DDX31: variants seen among roughly 807,000 people sequenced by gnomAD.
DDX31 encodes the protein DEAD-box helicase 31.
In DDX31, 70 loss-of-function variants were observed where a neutral mutation model predicts 91.3. The observed-to-expected ratio is 0.77, with a 90% CI of 0.63 to 0.94. DDX31 has a LOEUF of 0.94. Among genes scored for constraint, DDX31 ranks in the 40% least tolerant of loss-of-function variants. DDX31 has a pLI of 0.00. For synonymous variants in DDX31, 362 were observed against 350.6 expected, an observed-to-expected ratio of 1.03 and a Z score of -0.36; for missense variants, 902 against 925.0, an observed-to-expected ratio of 0.98 and a Z score of 0.32.
At chr9:132,605,839 A>T (rs1286760614) in intron 19 of DDX31, among the ~76,000 whole-genome samples, 1 of 152,102 alleles carries the variant, frequency 6.6e-6, no homozygotes, top group Non-Finnish European at 1.5e-5. Flanking sequence ...GCTTGCTCTA[A>T]TCACAGCCTA....
chr9:132,613,998 G>A (rs542960504), intron 18 of DDX31, among the ~76,000 whole-genome samples: 20 of 152,332 alleles, frequency 1.3e-4, no homozygotes, highest in African/African-American at 3.8e-4. Flanking sequence ...GAGCCCAGCC[G>A]ATGGTGTCTG....
chr9:132,642,715 T>G (rs1833577255), intron 13 of DDX31, among the ~76,000 whole-genome samples: 1 of 152,126 alleles, frequency 6.6e-6, no homozygotes, highest in African/African-American at 2.4e-5. Flanking sequence ...GAACATCTCT[T>G]CATGCCAATA....
At position 132,633,897 on chromosome 9, in the gene DDX31, T is replaced by G. The variant is rs193005878; in HGVS notation, c.1441-1806A>C. Among the ~76,000 whole-genome samples, 11 of 152,308 alleles carry G rather than the reference T, an allele frequency of 7.2e-5. No homozygotes were observed. The East Asian group carries it at 1.5e-3, about 21-fold the overall frequency. ...AAACCTGAAACCTAGAACCTAAATC[T>G]AATCAAGTCTCTAGATCCAACTACT... On this transcript the variant is annotated intron_variant, in intron 14 of 19. Transcript: ENST00000372159.
chr9:132,636,435 T>C (rs1833119726), intron 14 of DDX31, among the ~76,000 whole-genome samples: 1 of 152,262 alleles, frequency 6.6e-6, no homozygotes, highest in Admixed American at 6.5e-5. Context: ...ACGGGCTGCT[T>C]GAGCTTCACA....
At chr9:132,629,630 T>A (rs1832605136) in intron 16 of DDX31, among the ~76,000 whole-genome samples, 1 of 152,228 alleles carries the variant, frequency 6.6e-6, no homozygotes, top group South Asian at 2.1e-4. Flanking sequence ...TTTGATGTTT[T>A]ACATAAAACA....
chr9:132,652,711 G>A (rs893319668), intron 6 of DDX31, among the ~76,000 whole-genome samples: 7 of 152,130 alleles, frequency 4.6e-5, no homozygotes, highest in African/African-American at 1.7e-4. Context: ...AGGAGGAAGG[G>A]CAGGGGGGCA....
In DDX31 at chr9:132,595,302, T is replaced by C. The variant is rs868016398; in HGVS notation, c.1995-190A>G. ...GAAGATTAGATACGGCGCTGACAGA[T>C]TTTCATAACAGCGGCAAAATATCAT... On this transcript the variant is annotated intron_variant, in intron 19 of 19. Coordinates refer to ENST00000372159, the MANE Select transcript of DDX31 (RefSeq NM_022779.9). The surrounding 1 kb of genome is among the most constrained non-coding windows in gnomAD (Gnocchi z 4.6). Among the ~76,000 whole-genome samples, 1 of 152,190 alleles carries C rather than the reference T, an allele frequency of 6.6e-6. No homozygotes were observed. Among genetic ancestry groups the C allele is most frequent in the African/African-American group, 2.4e-5 (1 of 41,442 alleles).
At chr9:132,627,261 G>A (rs1470443673) in intron 16 of DDX31, among the ~76,000 whole-genome samples, 1 of 152,222 alleles carries the variant, frequency 6.6e-6, no homozygotes, top group East Asian at 1.9e-4. Context: ...AAATGCGTGT[G>A]CTGATATTCC....
rs1217910746 is a variant in DDX31, at chr9:132,658,689, T to G, written c.570A>C (p.Ala190=). Residue 190 remains alanine, a synonymous_variant, in exon 6 of 20, where the codon GCA becomes GCC. Coordinates refer to ENST00000372159, the MANE Select transcript of DDX31 (RefSeq NM_022779.9). ...YCIPVVQSLQ[A]MESKIQRSDG... is the part of the protein sequence containing the mutation. Reference sequence around the variant, plus strand: ...TACACACCTGTATTTTTGACTCCATTGCTTGAAGGGACTGGACCACAGGGA... The same window carrying G: ...TACACACCTGTATTTTTGACTCCATGGCTTGAAGGGACTGGACCACAGGGA... 3 of 1,613,812 alleles carry G rather than the reference T, an allele frequency of 1.9e-6. No individual in the cohort carries two copies. The highest frequency in any genetic ancestry group is 2.5e-6 in the Non-Finnish European group (3 of 1,179,954).
intron 14 of DDX31, among the ~76,000 whole-genome samples, chr9:132,634,360 G>A (rs1441451964): frequency 6.6e-6 from 1 of 151,996 alleles, no homozygotes; most frequent in Non-Finnish European, 1.5e-5. Context: ...ATCTACGCAT[G>A]CCCACGCACA....
Position 132,594,034 on chromosome 9 carries a change from G to A in DDX31, c.*832C>T, listed in dbSNP as rs900842175. 4 of 148,266 alleles carry A rather than the reference G, an allele frequency of 2.7e-5. No homozygotes were observed. The highest frequency in any genetic ancestry group is 2.0e-4 in the Admixed American group (3 of 14,994). 9.2% of individuals were successfully genotyped at this position (148,266 alleles called of 1,614,324 possible). On this transcript the variant is annotated 3_prime_UTR_variant, in exon 20 of 20. Coordinates refer to ENST00000372159, the MANE Select transcript of DDX31 (RefSeq NM_022779.9). ...ATGCAGGGGCAGGGCGGGGTGGGTC[G>A]GGGGCGGGGGGCGGGCAGCTGTGGC...
chr9:132,627,484 T>C (rs306555), intron 16 of DDX31, among the ~76,000 whole-genome samples: 121,088 of 152,178 alleles, frequency 0.8, 48,845 homozygotes, highest in African/African-American at 0.93. Context: ...CACCTTAGTA[T>C]GAAACGAGAT....
rs199734079 is a variant in DDX31 at position 132,595,135 on chromosome 9, A to C, written c.1995-23T>G. The C allele has an allele frequency of 6.3e-7, 1 of 1,592,314 alleles. No homozygotes were observed. Among genetic ancestry groups the C allele is most frequent in the East Asian group, 2.2e-5 (1 of 44,488 alleles). On this transcript the variant is annotated intron_variant, in intron 19 of 19. Transcript: ENST00000372159. This position sits in a 1 kb window ranked among gnomAD's most constrained non-coding sequence, Gnocchi z 4.6. Reference sequence around the variant, plus strand: ...GGCCTGAAGAACAGTAACAGCAGAGAGGGAAAAGAAACTTTATTATTTTTC... The same window carrying C: ...GGCCTGAAGAACAGTAACAGCAGAGCGGGAAAAGAAACTTTATTATTTTTC...
intron 7 of DDX31, among the ~76,000 whole-genome samples, chr9:132,651,535 G>A (rs1192413474): frequency 6.6e-6 from 1 of 152,150 alleles, no homozygotes; most frequent in Non-Finnish European, 1.5e-5. Flanking sequence ...GTAGCCTCTG[G>A]GAACTTCGCT....
chr9:132,664,943 G>A (rs1835216220), intron 1 of DDX31, among the ~76,000 whole-genome samples: 1 of 152,062 alleles, frequency 6.6e-6, no homozygotes, highest in South Asian at 2.1e-4. Context: ...GATGGAGGCT[G>A]ACCAACTCCT....
chr9:132,658,193 A>G (rs553155746), intron 6 of DDX31: 101 of 675,758 alleles, frequency 1.5e-4, no homozygotes, highest in African/African-American at 1.4e-3. Context: ...GGAGCCAGGA[A>G]TTAACCTTCA....
At chr9:132,657,323 A>G (rs1238336736) in intron 6 of DDX31, among the ~76,000 whole-genome samples, 1 of 152,084 alleles carries the variant, frequency 6.6e-6, no homozygotes, top group East Asian at 1.9e-4. Flanking sequence ...ATTTCCACAC[A>G]CCCTTCTCTC....
Position 132,601,413 on chromosome 9 carries a change from C to T in DDX31, c.1995-6301G>A, listed in dbSNP as rs373211764. ...TCTGGGTTCGAATCGCGGCTCTGCCCAGTGGACAGTGGTGCCATCATGGGC... is the reference window on the plus strand; with the variant it reads ...TCTGGGTTCGAATCGCGGCTCTGCCTAGTGGACAGTGGTGCCATCATGGGC... On this transcript the variant is annotated intron_variant, in intron 19 of 19. Coordinates refer to ENST00000372159, the MANE Select transcript of DDX31 (RefSeq NM_022779.9). 1.1e-4 allele frequency among the ~76,000 whole-genome samples: 16 copies of T among 152,322 alleles called. No homozygotes were observed. The East Asian group carries it at 2.9e-3, about 28-fold the overall frequency.
chr9:132,655,984 C>T (rs772490824), intron 6 of DDX31, among the ~76,000 whole-genome samples: 3 of 152,120 alleles, frequency 2.0e-5, no homozygotes, highest in Non-Finnish European at 4.4e-5. Context: ...AGCAACGTGC[C>T]GCTGTGTGAC....
Sources: gnomAD v4.1 joint callset for allele counts (sites outside exome capture counted in the v4.1 genomes callset) on GRCh38, gnomAD v4.1.1 for gene constraint, Gnocchi (gnomAD v3.1) non-coding constraint, MANE v1.5 for transcripts, NCBI Gene and HGNC (gene_info 2026-07-23, HGNC 2026-07-21) for gene names.